The following PPP2R5E variants were observed in gnomAD, a reference collection of about 807,000 sequenced individuals.
PPP2R5E encodes the protein serine/threonine-protein phosphatase 2A 56 kDa regulatory subunit epsilon isoform.
A neutral mutation model predicts 65.3 loss-of-function variants in PPP2R5E; 4 were observed. The observed-to-expected ratio is 0.06, with a 90% CI of 0.03 to 0.14. The LOEUF (loss-of-function observed/expected upper bound fraction) is 0.14, where lower values mean the gene tolerates loss of function less well. Among genes scored for constraint, PPP2R5E ranks in the 10% least tolerant of loss-of-function variants. The pLI is 1.00. For missense variants in PPP2R5E, 274 were observed against 556.1 expected, an observed-to-expected ratio of 0.49 and a Z score of 5.10; for synonymous variants, 183 against 187.4, an observed-to-expected ratio of 0.98 and a Z score of 0.19.
chr14:63,498,300 C>A (rs1891680570), intron 2 of PPP2R5E, among the ~76,000 whole-genome samples: 1 of 152,136 alleles, frequency 6.6e-6, no homozygotes, highest in Non-Finnish European at 1.5e-5. Flanking sequence ...AAAATATATG[C>A]ATGCTTTTAA....
chr14:63,439,236 G>A (rs1464922788), intron 3 of PPP2R5E, among the ~76,000 whole-genome samples: 1 of 152,044 alleles, frequency 6.6e-6, no homozygotes, highest in Non-Finnish European at 1.5e-5. Context: ...GCTAAGCACT[G>A]TTCATAAATT....
In PPP2R5E at chr14:63,422,541, A is replaced by T. The variant is rs375176787; in HGVS notation, c.355-447T>A. Among the ~76,000 whole-genome samples the T allele has an allele frequency of 2.1e-4, 32 of 152,228 alleles. 1 individual carries two copies. In the East Asian group the frequency reaches 5.4e-3, roughly 26 times the overall value. On this transcript the variant is annotated intron_variant, in intron 3 of 13. Coordinates refer to ENST00000337537, the MANE Select transcript of PPP2R5E (RefSeq NM_006246.5). ...GGAGATCGAGACCATCCTGGCTAACACAGTGAAACCCCGTCGCTACTAAAA... is the reference window on the plus strand; with the variant it reads ...GGAGATCGAGACCATCCTGGCTAACTCAGTGAAACCCCGTCGCTACTAAAA...
At chr14:63,464,321 G>A (rs1199429979) in intron 2 of PPP2R5E, among the ~76,000 whole-genome samples, 1 of 152,196 alleles carries the variant, frequency 6.6e-6, no homozygotes, top group East Asian at 1.9e-4. Flanking sequence ...GACTAGGCAC[G>A]CTGGGGTTGA....
At chr14:63,442,251 A>G (rs1488305766) in intron 3 of PPP2R5E, among the ~76,000 whole-genome samples, 1 of 152,058 alleles carries the variant, frequency 6.6e-6, no homozygotes, top group Non-Finnish European at 1.5e-5. Flanking sequence ...TCTAATTCTC[A>G]GGTCTTCTTT....
chr14:63,508,053 G>T, intron 2 of PPP2R5E: 1 of 765,548 alleles, frequency 1.3e-6, no homozygotes, highest in Non-Finnish European at 1.6e-6. Context: ...GGGATCCAAT[G>T]TAATAGCCTG....
chr14:63,440,506 C>T (rs1198590768), intron 3 of PPP2R5E, among the ~76,000 whole-genome samples: 1 of 151,786 alleles, frequency 6.6e-6, no homozygotes, highest in African/African-American at 2.4e-5. Flanking sequence ...GGGCTTAAAT[C>T]AAAGGCTTTT....
intron 13 of PPP2R5E, among the ~76,000 whole-genome samples, chr14:63,376,844 G>T (rs1280454595): frequency 2.0e-5 from 3 of 152,094 alleles, no homozygotes; most frequent in East Asian, 1.9e-4. Flanking sequence ...ACTGTCTCTG[G>T]TTTTTTTCCA....
chr14:63,465,433 GT>G lies in PPP2R5E; in HGVS notation c.158-11549del, dbSNP rs576984686. On this transcript the variant is annotated intron_variant, in intron 2 of 13. Transcript: ENST00000337537. ...GTTCGAGACCAGCCTGGGCAACATG[GT>G]AAAACTCCACCTCTACAAAAAAAAA... Among the ~76,000 whole-genome samples the G allele has an allele frequency of 6.7e-3, 817 of 122,076 alleles. 6 individuals carry two copies. The highest frequency in any genetic ancestry group is 0.024 in the African/African-American group (780 of 32,222). 80.1% of individuals were successfully genotyped at this position (122,076 alleles called of 152,430 possible). A position where few individuals can be genotyped will look rare whatever the true frequency, so the allele number is the denominator to read the frequency against.
At chr14:63,397,276 C>A (rs779022681) in intron 5 of PPP2R5E, among the ~76,000 whole-genome samples, 4 of 152,074 alleles carry the variant, frequency 2.6e-5, no homozygotes, top group African/African-American at 7.2e-5. Flanking sequence ...CCAAGGCAGG[C>A]GCATCACCTG....
intron 2 of PPP2R5E, among the ~76,000 whole-genome samples, chr14:63,508,484 C>T (rs1397018519): frequency 6.6e-6 from 1 of 152,184 alleles, no homozygotes; most frequent in Non-Finnish European, 1.5e-5. Flanking sequence ...TGAGCATCTA[C>T]AATAAGCCTT....
chr14:63,395,401 A>T, intron 6 of PPP2R5E, 116 bp from the exon 7 acceptor site: 1 of 346,870 alleles, frequency 2.9e-6, no homozygotes, highest in Non-Finnish European at 5.1e-6. Context: ...GAGGAGGAGG[A>T]GGAGAGCGGG....
intron 12 of PPP2R5E, among the ~76,000 whole-genome samples, chr14:63,383,081 A>G (rs1463272216): frequency 6.6e-6 from 1 of 151,922 alleles, no homozygotes; most frequent in Non-Finnish European, 1.5e-5. Flanking sequence ...GATGGTTGCT[A>G]TTAGCTATGG....
intron 3 of PPP2R5E, among the ~76,000 whole-genome samples, chr14:63,436,272 C>T (rs1887948136): frequency 6.6e-6 from 1 of 152,210 alleles, no homozygotes; most frequent in Non-Finnish European, 1.5e-5. Flanking sequence ...TCCAAATCAG[C>T]TAATGCTCAA....
chr14:63,466,762 T>C (rs1299630753), intron 2 of PPP2R5E, among the ~76,000 whole-genome samples: 2 of 152,156 alleles, frequency 1.3e-5, no homozygotes, highest in Admixed American at 6.5e-5. Context: ...TACGTATGTA[T>C]GTGTGTATAC....
intron 2 of PPP2R5E, among the ~76,000 whole-genome samples, chr14:63,532,764 A>G (rs1405436071): frequency 1.3e-5 from 2 of 152,242 alleles, no homozygotes; most frequent in Non-Finnish European, 2.9e-5. Context: ...CTTGAGGACC[A>G]ACAAAACCCA....
intron 2 of PPP2R5E, among the ~76,000 whole-genome samples, chr14:63,474,536 A>G (rs771122207): frequency 2.0e-5 from 3 of 151,966 alleles, no homozygotes; most frequent in African/African-American, 2.4e-5. Context: ...AGCTGGGCGC[A>G]GTGGTGTGCT....
intron 3 of PPP2R5E, among the ~76,000 whole-genome samples, chr14:63,449,644 T>C (rs1888697222): frequency 6.6e-6 from 1 of 152,072 alleles, no homozygotes; most frequent in African/African-American, 2.4e-5. Context: ...AGTACCCTGA[T>C]ATGCAAACAA....
intron 3 of PPP2R5E, among the ~76,000 whole-genome samples, chr14:63,426,699 CAAAAAAAAAA>C (rs1191603099): frequency 1.1e-4 from 6 of 54,836 alleles, no homozygotes; most frequent in South Asian, 8.2e-4. Flanking sequence ...AAAGGCTTAT[CAAAAAAAAAA>C]AAAAAAAAAA....
intron 2 of PPP2R5E, among the ~76,000 whole-genome samples, chr14:63,507,621 C>T (rs182349129): frequency 9.0e-4 from 130 of 144,734 alleles, no homozygotes; most frequent in African/African-American, 3.2e-3. Flanking sequence ...GTTCTGTCGC[C>T]CAGGCTGGAG....
Sources: allele counts gnomAD v4.1 joint callset (sites outside exome capture counted in the v4.1 genomes callset), GRCh38; gene constraint gnomAD v4.1.1; transcripts MANE v1.5; gene names NCBI Gene and HGNC (gene_info 2026-07-23, HGNC 2026-07-21).